The following ANK2 variants were observed in gnomAD, a reference collection of about 807,000 sequenced individuals.
The protein encoded by ANK2 is ankyrin 2.
A neutral mutation model predicts 360.5 loss-of-function variants in ANK2; 83 were observed. The observed-to-expected ratio is 0.23, with a 90% CI of 0.19 to 0.28. The LOEUF (loss-of-function observed/expected upper bound fraction) is 0.28, where lower values mean the gene tolerates loss of function less well. ANK2 is among the 10% of genes least tolerant of loss of function. The probability of loss-of-function intolerance (pLI) is 1.00; values close to 1 mark genes in which losing one functional copy is unlikely to be tolerated. For synonymous variants in ANK2, 1,740 were observed against 1,759.5 expected (o/e 0.99, Z 0.28); for missense variants, 4,201 against 4,795.7 (o/e 0.88, Z 3.66).
chr4:113,291,724 G>A (rs989009417), intron 20 of ANK2, among the ~76,000 whole-genome samples: 3 of 152,176 alleles, frequency 2.0e-5, no homozygotes, highest in Non-Finnish European at 2.9e-5. Context: ...AAGTGAAGCA[G>A]GTGGATTTTA....
chr4:113,140,348 A>T (rs1265142391), intron 1 of ANK2, among the ~76,000 whole-genome samples: 1 of 152,240 alleles, frequency 6.6e-6, no homozygotes, highest in Non-Finnish European at 1.5e-5. Flanking sequence ...AGCTGCCATG[A>T]TCAAAAACAA....
intron 2 of ANK2, among the ~76,000 whole-genome samples, chr4:113,180,221 G>A (rs1452111533): frequency 6.6e-6 from 1 of 152,198 alleles, no homozygotes; most frequent in Non-Finnish European, 1.5e-5. Flanking sequence ...CAATGTGGAT[G>A]CTGGAAACCA....
At chr4:113,015,894 T>C (rs997840408) in intron 2 of ANK2, among the ~76,000 whole-genome samples, 1 of 152,176 alleles carries the variant, frequency 6.6e-6, no homozygotes, top group Non-Finnish European at 1.5e-5. Flanking sequence ...AGAAAATGAT[T>C]AATGAAGGAG....
chr4:112,842,556 ATTAG>A (rs1345891669), intron 1 of ANK2, among the ~76,000 whole-genome samples: 1 of 152,192 alleles, frequency 6.6e-6, no homozygotes, highest in Non-Finnish European at 1.5e-5. Context: ...ATCATCAGGC[ATTAG>A]TTAGAGATTT....
the ANK2 span, among the ~76,000 whole-genome samples, chr4:112,726,626 C>A: frequency 6.6e-6 from 1 of 151,960 alleles, no homozygotes; most frequent in Non-Finnish European, 1.5e-5. Flanking sequence ...CCGAGGCGGG[C>A]AGATCACAAG....
At chr4:112,758,791 C>T in the ANK2 span, among the ~76,000 whole-genome samples, 1 of 152,190 alleles carries the variant, frequency 6.6e-6, no homozygotes, top group Admixed American at 6.5e-5. Flanking sequence ...TTGCCCCTTT[C>T]CATCAAACTC....
chr4:113,231,188 A>T (rs1412296524), intron 4 of ANK2, among the ~76,000 whole-genome samples: 1 of 151,770 alleles, frequency 6.6e-6, no homozygotes, highest in African/African-American at 2.4e-5. Context: ...AGTAGCTGGG[A>T]TTACAGGCAT....
intron 2 of ANK2, among the ~76,000 whole-genome samples, chr4:113,020,694 C>T (rs979891651): frequency 3.3e-5 from 5 of 151,950 alleles, no homozygotes; most frequent in Non-Finnish European, 7.4e-5. Context: ...GGCATGGTGG[C>T]ATGCACCTGT....
chr4:113,141,306 A>G (rs1280444899), intron 1 of ANK2: 1 of 152,192 alleles, frequency 6.6e-6, no homozygotes, highest in Non-Finnish European at 1.5e-5. Flanking sequence ...TCAGGGAAAC[A>G]CTACTGAGCA....
intron 1 of ANK2, among the ~76,000 whole-genome samples, chr4:113,087,755 A>G (rs993010563): frequency 6.6e-6 from 1 of 152,140 alleles, no homozygotes; most frequent in Non-Finnish European, 1.5e-5. Flanking sequence ...CTGACTTACC[A>G]CAAGTTCTAC....
chr4:113,035,465 G>A (rs2061390534), intron 2 of ANK2, among the ~76,000 whole-genome samples: 1 of 151,838 alleles, frequency 6.6e-6, no homozygotes, highest in South Asian at 2.1e-4. Flanking sequence ...AGGAAAATAG[G>A]ATTTGATGTT....
chr4:113,027,482 C>T (rs1311290704), intron 2 of ANK2, among the ~76,000 whole-genome samples: 1 of 152,072 alleles, frequency 6.6e-6, no homozygotes, highest in East Asian at 1.9e-4. Flanking sequence ...TGCCTGTTTA[C>T]CTGCAGCCCT....
chr4:112,973,286 T>A (rs1472469513), intron 2 of ANK2, among the ~76,000 whole-genome samples: 1 of 152,150 alleles, frequency 6.6e-6, no homozygotes, highest in Non-Finnish European at 1.5e-5. Context: ...ATTAAGAAGA[T>A]GCAGTTTAAT....
In ANK2 at chr4:113,375,822, T is replaced by G. The variant is rs780564186; in HGVS notation, c.11859+2373T>G. ...CCCAAATGCTGAAAACCAAAACAAA[T>G]TTTGTAAGTTAATTTGGAAGTGAAA... On this transcript the variant is annotated intron_variant, in intron 45 of 45. Transcript: ENST00000357077. Among the ~76,000 whole-genome samples the G allele has an allele frequency of 2.0e-4, 31 of 151,852 alleles. 1 individual carries two copies. Among genetic ancestry groups the G allele is most frequent in the South Asian group, 1.0e-3 (5 of 4,818 alleles).
intron 2 of ANK2, among the ~76,000 whole-genome samples, chr4:112,997,950 G>C (rs72894462): frequency 6.8e-6 from 1 of 146,782 alleles, no homozygotes; most frequent in Non-Finnish European, 1.5e-5. Context: ...TCAAAACTTT[G>C]GTGTCATTTG....
the ANK2 span, among the ~76,000 whole-genome samples, chr4:112,715,532 G>C: frequency 6.6e-6 from 1 of 152,146 alleles, no homozygotes; most frequent in African/African-American, 2.4e-5. Flanking sequence ...CGGATCAGGA[G>C]GTAACACAGA....
chr4:112,807,349 C>T, the ANK2 span, among the ~76,000 whole-genome samples: 3 of 152,158 alleles, frequency 2.0e-5, no homozygotes, highest in African/African-American at 4.8e-5. Flanking sequence ...AGGAGACAAA[C>T]ATGTATGCAG....
intron 2 of ANK2, among the ~76,000 whole-genome samples, chr4:112,976,605 A>G (rs372087346): frequency 1.3e-5 from 2 of 152,054 alleles, no homozygotes; most frequent in African/African-American, 4.8e-5. Flanking sequence ...TGCTTAATTA[A>G]TTTTAAAATG....
At chr4:112,824,218 C>T (rs1366815177) in intron 1 of ANK2, among the ~76,000 whole-genome samples, 1 of 152,048 alleles carries the variant, frequency 6.6e-6, no homozygotes, top group Non-Finnish European at 1.5e-5. Context: ...CTTGTTCTGT[C>T]ACCCAGGCTG....
Sources: gnomAD v4.1 joint callset for allele counts (sites outside exome capture counted in the v4.1 genomes callset) on GRCh38, gnomAD v4.1.1 for gene constraint, MANE v1.5 for transcripts, NCBI Gene and HGNC (gene_info 2026-07-23, HGNC 2026-07-21) for gene names.